The following RIMBP2 variants were observed in gnomAD, a reference collection of about 807,000 sequenced individuals.
RIMBP2 encodes RIMS binding protein 2.
RIMBP2 carries 48 observed loss-of-function variants against 118.6 expected under a neutral mutation model. That is an observed-to-expected ratio of 0.40 (90% CI 0.32 to 0.51). RIMBP2 has a LOEUF of 0.51. RIMBP2 is among the 20% of genes least tolerant of loss of function. The pLI, the probability that RIMBP2 is intolerant of heterozygous loss-of-function variation, is 0.41. For synonymous variants in RIMBP2, 762 were observed against 742.9 expected (o/e 1.03, Z -0.42); for missense variants, 1,551 against 1,768.3 (o/e 0.88, Z 2.20).
At chr12:130,692,845 ATGGGATAGGG>A (rs1423410026) in intron 1 of RIMBP2, among the ~76,000 whole-genome samples, 2 of 106,946 alleles carry the variant, frequency 1.9e-5, no homozygotes, top group Admixed American at 1.2e-4. Context: ...ATGGGATGGG[ATGGGATAGGG>A]TAGGGTAGGG....
chr12:130,402,164 T>G (rs1349286399), intron 21 of RIMBP2, among the ~76,000 whole-genome samples: 1 of 152,158 alleles, frequency 6.6e-6, no homozygotes, highest in Non-Finnish European at 1.5e-5. Flanking sequence ...GCGTCCAAAG[T>G]GACGACGGGA....
intron 4 of RIMBP2, among the ~76,000 whole-genome samples, chr12:130,500,605 A>C (rs1255261363): frequency 6.8e-6 from 1 of 146,952 alleles, no homozygotes; most frequent in Non-Finnish European, 1.5e-5. Flanking sequence ...TGATATTTGG[A>C]AACAAAAAAG....
At chr12:130,582,949 T>A (rs567231175) in intron 2 of RIMBP2, among the ~76,000 whole-genome samples, 1 of 152,362 alleles carries the variant, frequency 6.6e-6, no homozygotes, top group African/African-American at 2.4e-5. Flanking sequence ...AAAAGCATGA[T>A]GTCAACAGGT....
Position 130,614,342 on chromosome 12 carries a change from C to T in RIMBP2, c.-217+13980G>A, listed in dbSNP as rs570900754. On this transcript the variant is annotated intron_variant, in intron 2 of 22. Transcript: ENST00000690449. ...CCCAACCTCCCTTATCCTCAGAAGA[C>T]GTTCAGTGAGCAACGTAAACAAACC... is the stretch of plus-strand genomic sequence containing the variant. Among the ~76,000 whole-genome samples the T allele has an allele frequency of 4.6e-5, 7 of 152,302 alleles. No individual in the cohort carries two copies. In the East Asian group the frequency reaches 1.4e-3, roughly 29 times the overall value.
chr12:130,650,066 T>G (rs1566427124), intron 1 of RIMBP2, among the ~76,000 whole-genome samples: 1 of 150,008 alleles, frequency 6.7e-6, no homozygotes, highest in Admixed American at 6.6e-5. Flanking sequence ...GCTCCTCCAG[T>G]GTGGGGTGAA....
At chr12:130,671,612 G>A (rs913253759) in intron 1 of RIMBP2, among the ~76,000 whole-genome samples, 5 of 152,116 alleles carry the variant, frequency 3.3e-5, no homozygotes, top group Non-Finnish European at 7.4e-5. Flanking sequence ...TGTCGAAACT[G>A]TGGGCTGCCT....
chr12:130,431,955 T>C lies in RIMBP2; in HGVS notation c.2253+2779A>G, dbSNP rs1472447537. ...ATGTAAACTAATCTGGAACTAATTT[T>C]ATAGAAGTAAAAATTCAGGGCCTCA... On this transcript the variant is annotated intron_variant, in intron 14 of 22. Coordinates refer to ENST00000690449, the MANE Select transcript of RIMBP2 (RefSeq NM_001393629.1). The surrounding 1 kb of genome is among the most constrained non-coding windows in gnomAD (Gnocchi z 4.0). 1 of 166,574 alleles carries C rather than the reference T, an allele frequency of 6.0e-6. No homozygotes were observed. The highest frequency in any genetic ancestry group is 1.3e-5 in the Non-Finnish European group (1 of 77,622). 10.3% of individuals were successfully genotyped at this position (166,574 alleles called of 1,614,324 possible).
At chr12:130,661,605 C>T (rs1182340352) in intron 1 of RIMBP2, among the ~76,000 whole-genome samples, 1 of 152,136 alleles carries the variant, frequency 6.6e-6, no homozygotes. Context: ...GTGTAGCAGG[C>T]GTTAGCATCT....
intron 1 of RIMBP2, among the ~76,000 whole-genome samples, chr12:130,706,326 G>A (rs192516564): frequency 1.5e-3 from 229 of 152,344 alleles, no homozygotes; most frequent in African/African-American, 5.1e-3. Flanking sequence ...AGGAGAAGAC[G>A]GATGCTATTG....
chr12:130,456,714 G>A lies in RIMBP2; in HGVS notation c.154-14C>T, dbSNP rs376983356. On this transcript the variant is annotated splice_polypyrimidine_tract_variant and intron_variant, in intron 6 of 22. Coordinates refer to ENST00000690449, the MANE Select transcript of RIMBP2 (RefSeq NM_001393629.1). ...TCGAACCTTGGACTGCACGGCAGAA[G>A]CAGGACAGGGGGTCAGCGGTGGCAT... 84 of 1,589,142 alleles carry A rather than the reference G, an allele frequency of 5.3e-5. No individual in the cohort carries two copies. Among genetic ancestry groups the A allele is most frequent in the Non-Finnish European group, 6.0e-5 (70 of 1,163,030 alleles).
intron 4 of RIMBP2, among the ~76,000 whole-genome samples, chr12:130,504,479 T>A (rs908354877): frequency 8.6e-5 from 13 of 151,378 alleles, no homozygotes; most frequent in Admixed American, 2.0e-4. Flanking sequence ...GGGTGTGAGG[T>A]CAGAAAGGAG....
chr12:130,697,864 G>A (rs79783078), intron 1 of RIMBP2, among the ~76,000 whole-genome samples: 74 of 152,332 alleles, frequency 4.9e-4, no homozygotes, highest in African/African-American at 1.7e-3. Flanking sequence ...GGCGAGTGTT[G>A]GTGAAGAGAC....
intron 1 of RIMBP2, among the ~76,000 whole-genome samples, chr12:130,705,063 G>T (rs1428313201): frequency 6.6e-6 from 1 of 152,164 alleles, no homozygotes; most frequent in Non-Finnish European, 1.5e-5. Flanking sequence ...TCCCTCCAAA[G>T]CTGCGTGAGG....
At chr12:130,684,278 G>A (rs1404616718) in intron 1 of RIMBP2, among the ~76,000 whole-genome samples, 2 of 152,046 alleles carry the variant, frequency 1.3e-5, no homozygotes, top group East Asian at 1.9e-4. Flanking sequence ...CCAAATCAAC[G>A]TACATCTTAA....
At chr12:130,508,857 A>C (rs2050619212) in intron 3 of RIMBP2, among the ~76,000 whole-genome samples, 1 of 152,158 alleles carries the variant, frequency 6.6e-6, no homozygotes, top group Non-Finnish European at 1.5e-5. Flanking sequence ...CAAGAGTGGA[A>C]AGGTGGCCCT....
At chr12:130,515,957 CA>C (rs1014272338) in intron 3 of RIMBP2, among the ~76,000 whole-genome samples, 1 of 152,214 alleles carries the variant, frequency 6.6e-6, no homozygotes, top group African/African-American at 2.4e-5. Flanking sequence ...CTCAGCCTCT[CA>C]AAGGGCTGGG....
chr12:130,517,547 T>G (rs374189105), intron 3 of RIMBP2, among the ~76,000 whole-genome samples: 1 of 152,030 alleles, frequency 6.6e-6, no homozygotes, highest in African/African-American at 2.4e-5. Context: ...GAAAGTGGTT[T>G]GGGAGAGTGG....
At chr12:130,402,132 G>T (rs2074654228) in intron 21 of RIMBP2, among the ~76,000 whole-genome samples, 1 of 152,158 alleles carries the variant, frequency 6.6e-6, no homozygotes, top group Non-Finnish European at 1.5e-5. Flanking sequence ...CATGTCTGAT[G>T]CCTCTACCAC....
intron 4 of RIMBP2, among the ~76,000 whole-genome samples, chr12:130,488,537 C>T (rs2082672880): frequency 6.6e-6 from 1 of 152,162 alleles, no homozygotes; most frequent in Admixed American, 6.5e-5. Context: ...TCCATCCTGG[C>T]ATGAGGACAT....
Sources: allele counts gnomAD v4.1 joint callset (sites outside exome capture counted in the v4.1 genomes callset), GRCh38; gene constraint gnomAD v4.1.1; non-coding constraint Gnocchi (gnomAD v3.1); transcripts MANE v1.5; gene names NCBI Gene and HGNC (gene_info 2026-07-23, HGNC 2026-07-21).